FAM78B: variants seen among roughly 807,000 people sequenced by gnomAD.
FAM78B encodes the protein family with sequence similarity 78 member B, also known as protein FAM78B.
A neutral mutation model predicts 20.0 loss-of-function variants in FAM78B; 10 were observed. That is an observed-to-expected ratio of 0.50 (90% confidence interval 0.31 to 0.85). The LOEUF is 0.85. Among genes scored for constraint, FAM78B ranks in the 40% least tolerant of loss-of-function variants. The pLI is 0.05. For missense variants in FAM78B, 283 were observed against 345.0 expected (o/e 0.82, Z 1.42); for synonymous variants, 135 against 132.8 (o/e 1.02, Z -0.12).
At chr1:166,153,254 A>G (rs1378617309) in intron 1 of FAM78B, among the ~76,000 whole-genome samples, 1 of 152,074 alleles carries the variant, frequency 6.6e-6, no homozygotes, top group Non-Finnish European at 1.5e-5. Flanking sequence ...CTCCAGAGAG[A>G]GAGGGGGAGC....
chr1:166,146,618 A>G (rs1423556193), intron 1 of FAM78B, among the ~76,000 whole-genome samples: 2 of 152,172 alleles, frequency 1.3e-5, no homozygotes, highest in Non-Finnish European at 2.9e-5. Context: ...GTCTCCCCAC[A>G]TTCAAAAAAA....
chr1:166,141,506 C>A (rs1655275926), intron 1 of FAM78B, among the ~76,000 whole-genome samples: 1 of 152,180 alleles, frequency 6.6e-6, no homozygotes, highest in Non-Finnish European at 1.5e-5. Flanking sequence ...TTTCTTAAAG[C>A]TATTGTAACT....
chr1:166,058,253 C>T (rs1286227141), exon 3 of FAM78B: 1 of 152,196 alleles, frequency 6.6e-6, no homozygotes, highest in African/African-American at 2.4e-5. Context: ...AAGGGTAACA[C>T]TCGACTCTTT....
chr1:166,099,096 C>A (rs963994686), intron 1 of FAM78B, among the ~76,000 whole-genome samples: 2 of 152,154 alleles, frequency 1.3e-5, no homozygotes, highest in African/African-American at 2.4e-5. Flanking sequence ...TATCTTTAGC[C>A]TCCTCTAACA....
At chr1:166,060,729 T>A in intron 2 of FAM78B, 1 of 1,034,446 alleles carries the variant, frequency 9.7e-7, no homozygotes, top group Non-Finnish European at 1.3e-6. Context: ...GAAATGTCAT[T>A]CCCTAAAAGC....
At chr1:166,164,894 C>T (rs1656300958) in intron 1 of FAM78B, 1 of 152,216 alleles carries the variant, frequency 6.6e-6, no homozygotes, top group Non-Finnish European at 1.5e-5. Context: ...TGTTCTAGAC[C>T]TACATTGTAA....
At chr1:166,129,165 G>C (rs1654776008) in intron 1 of FAM78B, among the ~76,000 whole-genome samples, 1 of 152,176 alleles carries the variant, frequency 6.6e-6, no homozygotes. Context: ...AGTGCCCAGA[G>C]CCCCTGCTGT....
intron 1 of FAM78B, among the ~76,000 whole-genome samples, chr1:166,096,258 G>C (rs775240408): frequency 2.6e-5 from 4 of 152,172 alleles, no homozygotes; most frequent in Non-Finnish European, 5.9e-5. Context: ...TTGGGTCTTG[G>C]AGTTCTACTA....
At chr1:166,076,981 T>C (rs143264617) in intron 1 of FAM78B, among the ~76,000 whole-genome samples, 83 of 151,810 alleles carry the variant, frequency 5.5e-4, no homozygotes, top group African/African-American at 1.9e-3. Flanking sequence ...CAAAGAAGAG[T>C]ATAAAAAGCA....
chr1:166,096,503 T>C (rs1277124956), intron 1 of FAM78B, among the ~76,000 whole-genome samples: 5 of 152,200 alleles, frequency 3.3e-5, no homozygotes, highest in Non-Finnish European at 5.9e-5. Flanking sequence ...TTTGTTGTTG[T>C]TGTTAAGAAG....
At chr1:166,149,250 A>G (rs1453371526) in intron 1 of FAM78B, among the ~76,000 whole-genome samples, 1 of 1,526 alleles carries the variant, frequency 6.6e-4, no homozygotes, top group South Asian at 0.17. Flanking sequence ...ATAATTAAAC[A>G]AACAAACAAA....
At chr1:166,090,407 C>G (rs1653020559) in intron 1 of FAM78B, among the ~76,000 whole-genome samples, 1 of 152,120 alleles carries the variant, frequency 6.6e-6, no homozygotes, top group Non-Finnish European at 1.5e-5. Context: ...CCTTACTCAA[C>G]AGGAAGACTA....
chr1:166,163,322 A>G (rs1472913259), intron 1 of FAM78B, among the ~76,000 whole-genome samples: 2 of 152,350 alleles, frequency 1.3e-5, no homozygotes, highest in Non-Finnish European at 2.9e-5. Flanking sequence ...TCAAGTTCAA[A>G]TTAAGCTCTG....
chr1:166,066,484 C>G (rs1651799965), downstream of FAM78B, among the ~76,000 whole-genome samples: 2 of 152,138 alleles, frequency 1.3e-5, no homozygotes, highest in Admixed American at 6.5e-5. Context: ...AGAGGCAGAA[C>G]AGGATAGTGG....
chr1:166,126,326 G>A (rs1371143457), intron 1 of FAM78B, among the ~76,000 whole-genome samples: 3 of 152,142 alleles, frequency 2.0e-5, no homozygotes, highest in Admixed American at 6.5e-5. Flanking sequence ...GGAAACAGCA[G>A]TGAATAAAAC....
chr1:166,057,529 A>C (rs953752717), exon 3 of FAM78B: 1 of 152,198 alleles, frequency 6.6e-6, no homozygotes, highest in Non-Finnish European at 1.5e-5. Flanking sequence ...AAGACTGACA[A>C]CTCAGAATTT....
intron 1 of FAM78B, among the ~76,000 whole-genome samples, chr1:166,110,266 A>C (rs914688714): frequency 3.3e-5 from 5 of 151,860 alleles, no homozygotes; most frequent in African/African-American, 1.2e-4. Flanking sequence ...CTTAAGAAAA[A>C]AATATTAAAA....
At chr1:166,133,501 T>A (rs1654954225) in intron 1 of FAM78B, among the ~76,000 whole-genome samples, 1 of 151,494 alleles carries the variant, frequency 6.6e-6, no homozygotes, top group East Asian at 2.0e-4. Context: ...CATGTGGGGA[T>A]CTTTCTGCAA....
At chr1:166,136,849 T>C (rs1392464143) in intron 1 of FAM78B, among the ~76,000 whole-genome samples, 1 of 152,202 alleles carries the variant, frequency 6.6e-6, no homozygotes. Context: ...AGAAGATGCC[T>C]GATGGGGAGC....
Sources: gnomAD v4.1 joint callset for allele counts (sites outside exome capture counted in the v4.1 genomes callset) on GRCh38, gnomAD v4.1.1 for gene constraint, MANE v1.5 for transcripts, NCBI Gene and HGNC (gene_info 2026-07-23, HGNC 2026-07-21) for gene names.